CACNA1G: variants seen among roughly 807,000 people sequenced by gnomAD.
CACNA1G encodes the protein voltage-dependent T-type calcium channel subunit alpha-1G.
Under a neutral mutation model 219.4 loss-of-function variants are expected in CACNA1G, and 67 were observed. That is an observed-to-expected ratio of 0.31 (90% CI 0.25 to 0.37). CACNA1G has a LOEUF of 0.37. Ranked by LOEUF, CACNA1G falls within the 10% of genes least tolerant of loss-of-function variation. The probability of loss-of-function intolerance (pLI) is 1.00; values close to 1 mark genes in which losing one functional copy is unlikely to be tolerated. For synonymous variants in CACNA1G, 1,296 were observed against 1,345.3 expected, an observed-to-expected ratio of 0.96 and a Z score of 0.80; for missense variants, 2,380 against 3,231.4, an observed-to-expected ratio of 0.74 and a Z score of 6.39.
Position 50,627,235 on chromosome 17 carries a change from G to A in CACNA1G, c.*484G>A, listed in dbSNP as rs374406700. ...TTCTTGCAAAGCACAAGCTGGGACCGCGAGCACATTGCAGCCCCAACGGTG... is the reference window on the plus strand; with the variant it reads ...TTCTTGCAAAGCACAAGCTGGGACCACGAGCACATTGCAGCCCCAACGGTG... On this transcript the variant is annotated 3_prime_UTR_variant, in exon 38 of 38. Transcript: ENST00000359106. 16 of 454,032 alleles carry A rather than the reference G, an allele frequency of 3.5e-5. No homozygotes were observed. Among genetic ancestry groups the A allele is most frequent in the Non-Finnish European group, 4.4e-5 (10 of 226,884 alleles). 28.1% of individuals were successfully genotyped at this position (454,032 alleles called of 1,614,324 possible). A position where few individuals can be genotyped will look rare whatever the true frequency, so the allele number is the denominator to read the frequency against.
chr17:50,572,510 G>T, intron 5 of CACNA1G, 44 bp from the exon 6 acceptor site: 2 of 1,467,912 alleles, frequency 1.4e-6, no homozygotes, highest in Non-Finnish European at 1.8e-6. Context: ...TCCCTGGAGA[G>T]CCCACTCCCC....
Position 50,578,346 on chromosome 17 carries a change from G to A in CACNA1G, c.2083G>A (p.Glu695Lys). ...TGACTCAGACAGCGAGGCAGTTTAT[G>A]AGTTCACACAGGATGCCCAGCACAG... ...MPDSDSEAVY[E>K]FTQDAQHSDL... The change falls in exon 9 of 38, where the codon GAG becomes AAG. Residue 695 changes from glutamate to lysine, a missense_variant. Glu to Lys is a moderately conservative substitution (Grantham distance 56). This residue lies in a region of CACNA1G where 434 missense variants were observed against 417.3 expected (regional missense o/e 1.04). Transcript: ENST00000359106. The surrounding 1 kb of genome is among the most constrained non-coding windows in gnomAD (Gnocchi z 4.5). 6.2e-7 allele frequency: 1 copy of A among 1,613,328 alleles called. No individual in the cohort carries two copies. Among genetic ancestry groups the A allele is most frequent in the Non-Finnish European group, 8.5e-7 (1 of 1,179,870 alleles).
intron 9 of CACNA1G, among the ~76,000 whole-genome samples, chr17:50,584,626 G>A (rs1038460621): frequency 5.9e-5 from 9 of 151,350 alleles, no homozygotes; most frequent in Non-Finnish European, 1.2e-4. Flanking sequence ...ACAGGGGGGC[G>A]GCGGGGGAGC....
At chr17:50,568,810 G>A (rs903940283) in intron 1 of CACNA1G, 60 bp from the exon 2 acceptor site, 35 of 1,328,162 alleles carry the variant, frequency 2.6e-5, no homozygotes, top group African/African-American at 4.3e-5. Flanking sequence ...GTGTTAGGGC[G>A]GGGTCGGGGG....
At chr17:50,591,208 A>G (rs1210901656) in intron 10 of CACNA1G, among the ~76,000 whole-genome samples, 15 of 152,212 alleles carry the variant, frequency 9.9e-5, no homozygotes. Flanking sequence ...GTCTACTGCC[A>G]GGATGTGATC....
intron 1 of CACNA1G, among the ~76,000 whole-genome samples, chr17:50,566,934 G>C (rs957554303): frequency 6.6e-6 from 1 of 152,218 alleles, no homozygotes; most frequent in Non-Finnish European, 1.5e-5. Context: ...CTTCCTCAGA[G>C]ATCTACTGCC....
rs1242377947 is a variant in CACNA1G, at chr17:50,572,746, T to C, written c.939T>C (p.Cys313=). 2 of 1,613,914 alleles carry C rather than the reference T, an allele frequency of 1.2e-6. No homozygotes were observed. The highest frequency in any genetic ancestry group is 2.7e-5 in the African/African-American group (2 of 74,942). Reference sequence around the variant, plus strand: ...ACAACAGCTCCAGCAACACCACCTGTGTCAACTGGAACCAGTACTACACCA... The same window carrying C: ...ACAACAGCTCCAGCAACACCACCTGCGTCAACTGGAACCAGTACTACACCA... ...EAYNSSSNTT[C]VNWNQYYTNC... Residue 313 remains cysteine (C), a synonymous_variant, in exon 6 of 38, where the codon TGT becomes TGC. Transcript: ENST00000359106.
chr17:50,624,207 C>T (rs1255318852), intron 36 of CACNA1G, 132 bp downstream of exon 36: 1 of 1,294,968 alleles, frequency 7.7e-7, no homozygotes, highest in Admixed American at 2.1e-5. Context: ...GAGCCTCCAG[C>T]CTGGGGGAAT....
Position 50,626,408 on chromosome 17 carries a change from A to G in CACNA1G, c.6791A>G (p.Glu2264Gly), listed in dbSNP as rs2053813339. 6.2e-7 allele frequency: 1 copy of G among 1,610,756 alleles called. No individual in the cohort carries two copies. Among genetic ancestry groups the G allele is most frequent in the Admixed American group, 1.7e-5 (1 of 59,764 alleles). The change falls in exon 38 of 38, where the codon GAG (glutamate) becomes GGG (glycine). Residue 2264 changes from glutamate to glycine, a missense_variant. Glu to Gly is a moderately conservative substitution (Grantham distance 98, BLOSUM62 -2). Around this residue, in one of 17 missense-constraint regions of CACNA1G, gnomAD observed 672 missense variants for 670.5 expected, o/e 1.00. Transcript: ENST00000359106. This position sits in a 1 kb window ranked among gnomAD's most constrained non-coding sequence, Gnocchi z 4.3. ...CQRRPTSWLDEQRRHSIAVSC... is the reference protein window; with the variant it reads ...CQRRPTSWLDGQRRHSIAVSC... ...CGCCGGCCTACGTCCTGGCTGGATGAGCAGAGGAGACACTCTATCGCCGTC... is the reference window on the plus strand; with the variant it reads ...CGCCGGCCTACGTCCTGGCTGGATGGGCAGAGGAGACACTCTATCGCCGTC...
rs1280690219 is a variant in CACNA1G at position 50,626,460 on chromosome 17, C to G, written c.6843C>G (p.Pro2281=). 1.9e-6 allele frequency: 3 copies of G among 1,601,992 alleles called. No homozygotes were observed. The highest frequency in any genetic ancestry group is 4.5e-5 in the East Asian group (2 of 44,186). Residue 2281 remains proline, a synonymous_variant, in exon 38 of 38, where the codon CCC becomes CCG. Coordinates refer to ENST00000359106, the MANE Select transcript of CACNA1G (RefSeq NM_018896.5). This position sits in a 1 kb window ranked among gnomAD's most constrained non-coding sequence, Gnocchi z 4.3. ...AVSCLDSGSQ[P]HLGTDPSNLG... ...GCTGCCTGGACAGCGGCTCCCAACC[C>G]CACCTGGGCACAGACCCCTCTAACC...
At chr17:50,572,444 C>T (rs2039667915) in intron 5 of CACNA1G, 110 bp from the exon 6 acceptor site, 1 of 931,912 alleles carries the variant, frequency 1.1e-6, no homozygotes, top group Non-Finnish European at 1.6e-6. Flanking sequence ...TTGGTTCTGC[C>T]CTGCTCACCC....
intron 1 of CACNA1G, among the ~76,000 whole-genome samples, chr17:50,565,574 A>AT (rs930805681): frequency 6.6e-6 from 1 of 151,926 alleles, no homozygotes; most frequent in Admixed American, 6.5e-5. Flanking sequence ...GTCCAGGCCC[A>AT]TTTTCTCCTC....
intron 3 of CACNA1G, 34 bp downstream of exon 3, chr17:50,569,332 A>G (rs1238464902): frequency 3.4e-5 from 55 of 1,610,740 alleles, no homozygotes; most frequent in Non-Finnish European, 4.5e-5. Context: ...AGAGCAATGG[A>G]TCAGATCGGT....
chr17:50,626,672 T>C lies in CACNA1G; in HGVS notation c.7055T>C (p.Met2352Thr). The change falls in exon 38 of 38, where the codon ATG (methionine) becomes ACG (threonine). Residue 2352 changes from methionine (M) to threonine (T), a missense_variant. By Grantham distance (81) the Met-to-Thr change is moderately conservative (BLOSUM62 -1). This residue lies in a region of CACNA1G where 672 missense variants were observed against 670.5 expected (regional missense o/e 1.00). Coordinates refer to ENST00000359106, the MANE Select transcript of CACNA1G (RefSeq NM_018896.5). The surrounding 1 kb of genome is among the most constrained non-coding windows in gnomAD (Gnocchi z 4.3). Reference protein sequence around the residue: ...DPLASGPPDSMAASPSPKKDV... With the variant: ...DPLASGPPDSTAASPSPKKDV... ...TTGGCCTCTGGCCCCCCTGACAGCA[T>C]GGCTGCCTCGCCCTCCCCAAAGAAA... 2 of 1,613,104 alleles carry C rather than the reference T, an allele frequency of 1.2e-6. No homozygotes were observed. The highest frequency in any genetic ancestry group is 1.7e-6 in the Non-Finnish European group (2 of 1,179,824).
Position 50,578,398 on chromosome 17 carries a change from G to A in CACNA1G, c.2135G>A (p.Arg712Gln), listed in dbSNP as rs369974810. ...HSDLRDPHSR[R>Q]QRSLGPDAEP... The stretch of plus-strand genomic sequence containing the variant: ...GACCTCCGGGACCCCCACAGCCGGC[G>A]GCAACGGAGCCTGGGCCCAGATGCA... Residue 712 changes from arginine (R) to glutamine (Q), a missense_variant, in exon 9 of 38, where the codon CGG becomes CAG. Transcript: ENST00000359106. The surrounding 1 kb of genome is among the most constrained non-coding windows in gnomAD (Gnocchi z 4.5). The A allele has an allele frequency of 3.5e-5, 56 of 1,613,188 alleles. 1 individual carries two copies. In the African/African-American group the frequency reaches 5.9e-4, roughly 17 times the overall value.
rs768219541 is a variant in CACNA1G, at chr17:50,626,789, G to A, written c.*38G>A. On this transcript the variant is annotated 3_prime_UTR_variant, in exon 38 of 38. Coordinates refer to ENST00000359106, the MANE Select transcript of CACNA1G (RefSeq NM_018896.5). The surrounding 1 kb of genome is among the most constrained non-coding windows in gnomAD (Gnocchi z 4.3). Reference sequence around the variant, plus strand: ...TTTCCCACTCACCTTTCTCCACTGGGTGCCAAGTCCTAGCTCCTCCTCCTG... The same window carrying A: ...TTTCCCACTCACCTTTCTCCACTGGATGCCAAGTCCTAGCTCCTCCTCCTG... 1.2e-6 allele frequency: 2 copies of A among 1,612,556 alleles called. No homozygotes were observed. Among genetic ancestry groups the A allele is most frequent in the Non-Finnish European group, 1.7e-6 (2 of 1,179,752 alleles).
chr17:50,570,588 T>TGA (rs1555636835), intron 4 of CACNA1G, among the ~76,000 whole-genome samples: 1 of 151,286 alleles, frequency 6.6e-6, no homozygotes, highest in Admixed American at 6.6e-5. Context: ...TGTGTGTGTG[T>TGA]GATGTTGCTG....
At chr17:50,599,953 C>A in intron 17 of CACNA1G, 94 bp downstream of exon 17, 1 of 1,248,618 alleles carries the variant, frequency 8.0e-7, no homozygotes, top group Non-Finnish European at 1.1e-6. Context: ...GTTACCATTC[C>A]AAGCCCACGG....
chr17:50,599,981 A>G (rs2046304038), intron 17 of CACNA1G, 122 bp downstream of exon 17: 1 of 967,208 alleles, frequency 1.0e-6, no homozygotes, highest in African/African-American at 1.6e-5. Context: ...AGGGGCACCT[A>G]GAAACCGAGC....
Sources: gnomAD v4.1 joint callset for allele counts (sites outside exome capture counted in the v4.1 genomes callset) on GRCh38, gnomAD v4.1.1 for gene constraint, gnomAD v4.1.1 regional missense constraint, Gnocchi (gnomAD v3.1) non-coding constraint, MANE v1.5 for transcripts, NCBI Gene and HGNC (gene_info 2026-07-23, HGNC 2026-07-21) for gene names.